The following LHFPL3 variants were observed in gnomAD, a reference collection of about 807,000 sequenced individuals.
LHFPL3 encodes LHFPL tetraspan subfamily member 3.
Under a neutral mutation model 19.3 loss-of-function variants are expected in LHFPL3, and 5 were observed. The observed-to-expected ratio is 0.26, with a 90% CI of 0.14 to 0.54. The LOEUF is 0.54. Ranked by LOEUF, LHFPL3 falls within the 20% of genes least tolerant of loss-of-function variation. The pLI, the probability that LHFPL3 is intolerant of heterozygous loss-of-function variation, is 0.94. For synonymous variants in LHFPL3, 133 were observed against 126.2 expected, an observed-to-expected ratio of 1.05 and a Z score of -0.36; for missense variants, 249 against 307.4, an observed-to-expected ratio of 0.81 and a Z score of 1.42.
chr7:104,544,631 A>G (rs965126503), intron 1 of LHFPL3, among the ~76,000 whole-genome samples: 19 of 152,172 alleles, frequency 1.2e-4, no homozygotes, highest in Non-Finnish European at 1.5e-5. Flanking sequence ...TCTCTTCCCT[A>G]AGATAGAAAG....
In LHFPL3 at chr7:104,588,670, T is replaced by C. The variant is rs570888488; in HGVS notation, c.446-148005T>C. 1.9e-3 allele frequency among the ~76,000 whole-genome samples: 284 copies of C among 152,342 alleles called. 2 individuals are homozygous for C. Among genetic ancestry groups the C allele is most frequent in the Middle Eastern group, 6.8e-3 (2 of 294 alleles). ...TCTGTGAAGAAAGTCATTGGTAGCTTGATGGGGATGGCATTGAATCTATAA... is the reference window on the plus strand; with the variant it reads ...TCTGTGAAGAAAGTCATTGGTAGCTCGATGGGGATGGCATTGAATCTATAA... On this transcript the variant is annotated intron_variant, in intron 1 of 2. Transcript: ENST00000424859.
intron 1 of LHFPL3, among the ~76,000 whole-genome samples, chr7:104,489,078 C>CTTTT (rs10706776): frequency 2.4e-5 from 1 of 41,654 alleles, no homozygotes; most frequent in African/African-American, 5.5e-5. Context: ...GTGCTGAAAT[C>CTTTT]TTTTTTTTTT....
chr7:104,626,294 T>A (rs999968655), intron 1 of LHFPL3, among the ~76,000 whole-genome samples: 1 of 152,080 alleles, frequency 6.6e-6, no homozygotes, highest in African/African-American at 2.4e-5. Flanking sequence ...GCCTCTAGAG[T>A]CCAGCTGTTC....
chr7:104,373,966 C>A (rs2116437102), intron 1 of LHFPL3, among the ~76,000 whole-genome samples: 1 of 152,120 alleles, frequency 6.6e-6, no homozygotes, highest in Non-Finnish European at 1.5e-5. Context: ...GATTTTCTTC[C>A]TTGTCTCATA....
At chr7:104,714,277 C>T (rs1001474033) in intron 1 of LHFPL3, among the ~76,000 whole-genome samples, 1 of 152,094 alleles carries the variant, frequency 6.6e-6, no homozygotes, top group African/African-American at 2.4e-5. Flanking sequence ...TCTAGAGACA[C>T]TTTCTTGATC....
At chr7:104,716,018 T>C (rs1214889333) in intron 1 of LHFPL3, among the ~76,000 whole-genome samples, 1 of 152,172 alleles carries the variant, frequency 6.6e-6, no homozygotes, top group Non-Finnish European at 1.5e-5. Context: ...CTGTAAGTCC[T>C]CACTGGAGCA....
chr7:104,637,158 GC>G (rs1283851018), intron 1 of LHFPL3, among the ~76,000 whole-genome samples: 1 of 152,070 alleles, frequency 6.6e-6, no homozygotes. Flanking sequence ...TTTTTCATAT[GC>G]TTGTTGACTG....
intron 1 of LHFPL3, among the ~76,000 whole-genome samples, chr7:104,587,997 T>C (rs1383297851): frequency 1.3e-5 from 2 of 152,206 alleles, no homozygotes; most frequent in Non-Finnish European, 2.9e-5. Flanking sequence ...TTTGAGTTCA[T>C]TGTAGATTCT....
At chr7:104,521,123 A>G (rs1003891210) in intron 1 of LHFPL3, among the ~76,000 whole-genome samples, 15 of 152,162 alleles carry the variant, frequency 9.9e-5, no homozygotes, top group African/African-American at 3.1e-4. Flanking sequence ...CTTTGAATGC[A>G]TCCCAGAGAT....
At position 104,328,730 on chromosome 7, in the gene LHFPL3, G is replaced by C. The variant is rs781462075; in HGVS notation, c.-50G>C. The C allele has an allele frequency of 2.6e-5, 38 of 1,483,112 alleles. 1 individual carries two copies. The Middle Eastern group carries it at 2.3e-3, about 91-fold the overall frequency. 91.9% of individuals were successfully genotyped at this position (1,483,112 alleles called of 1,614,324 possible). A position where few individuals can be genotyped will look rare whatever the true frequency, so the allele number is the denominator to read the frequency against. ...TGTGTCTCCTGCGCGCTGAGAGGCG[G>C]GGGGAGGCGGAGGACCAGGAGGAGG... On this transcript the variant is annotated 5_prime_UTR_variant, in exon 1 of 3. Transcript: ENST00000424859. The surrounding 1 kb of genome is among the most constrained non-coding windows in gnomAD (Gnocchi z 4.6).
At chr7:104,767,496 A>G (rs373834739) in intron 2 of LHFPL3, among the ~76,000 whole-genome samples, 2 of 152,212 alleles carry the variant, frequency 1.3e-5, no homozygotes, top group South Asian at 2.1e-4. Flanking sequence ...GTTTCTGGGT[A>G]AAGTTTACAT....
rs1343567878 is a variant in LHFPL3 at position 104,751,073 on chromosome 7, TC to T, written c.682+14164del. Among the ~76,000 whole-genome samples, 33 of 137,058 alleles carry T rather than the reference TC, an allele frequency of 2.4e-4. 1 individual carries two copies. The highest frequency in any genetic ancestry group is 8.4e-4 in the African/African-American group (31 of 36,960). 89.9% of individuals were successfully genotyped at this position (137,058 alleles called of 152,430 possible). On this transcript the variant is annotated intron_variant, in intron 2 of 2. Coordinates refer to ENST00000424859, the MANE Select transcript of LHFPL3 (RefSeq NM_199000.3). ...TTCCTCCAAATGTTCTAACTTGTCC[TC>T]CTAAAACAACTTCTGTTATTGCTTG...
intron 1 of LHFPL3, among the ~76,000 whole-genome samples, chr7:104,716,979 A>G (rs1282156920): frequency 1.3e-5 from 2 of 152,230 alleles, no homozygotes; most frequent in Non-Finnish European, 2.9e-5. Flanking sequence ...ACAGACATGT[A>G]GTCCAGTGGA....
At chr7:104,710,357 C>A (rs1022229406) in intron 1 of LHFPL3, among the ~76,000 whole-genome samples, 1 of 152,100 alleles carries the variant, frequency 6.6e-6, no homozygotes, top group Non-Finnish European at 1.5e-5. Flanking sequence ...CCTGCTTTGA[C>A]CTTAGTTATT....
At chr7:104,899,488 G>A (rs1792440629) in intron 2 of LHFPL3, among the ~76,000 whole-genome samples, 1 of 152,084 alleles carries the variant, frequency 6.6e-6, no homozygotes, top group African/African-American at 2.4e-5. Context: ...ACCTCTGGCA[G>A]GAAGGGAAGT....
At chr7:104,470,197 A>G in intron 1 of LHFPL3, 4 of 399,720 alleles carry the variant, frequency 1.0e-5, no homozygotes, top group Admixed American at 2.8e-5. Context: ...TTCAAAAGCA[A>G]GAAATGGAAA....
intron 2 of LHFPL3, among the ~76,000 whole-genome samples, chr7:104,755,791 G>T (rs1406745396): frequency 6.6e-6 from 1 of 152,188 alleles, no homozygotes; most frequent in Non-Finnish European, 1.5e-5. Flanking sequence ...TGCCTCCTGG[G>T]TTCAAGCGAT....
chr7:104,562,865 G>A (rs1439397293), intron 1 of LHFPL3, among the ~76,000 whole-genome samples: 1 of 151,144 alleles, frequency 6.6e-6, no homozygotes, highest in Non-Finnish European at 1.5e-5. Flanking sequence ...TTTTTGGTGT[G>A]GATGTCCTTT....
At chr7:104,559,647 A>T (rs914887240) in intron 1 of LHFPL3, among the ~76,000 whole-genome samples, 1 of 152,026 alleles carries the variant, frequency 6.6e-6, no homozygotes, top group Non-Finnish European at 1.5e-5. Context: ...TTGACTTCCT[A>T]TTTTCCTAAC....
Sources: allele counts gnomAD v4.1 joint callset (sites outside exome capture counted in the v4.1 genomes callset), GRCh38; gene constraint gnomAD v4.1.1; non-coding constraint Gnocchi (gnomAD v3.1); transcripts MANE v1.5; gene names NCBI Gene and HGNC (gene_info 2026-07-23, HGNC 2026-07-21).